The following NR6A1 variants were observed in gnomAD, a reference collection of about 807,000 sequenced individuals.
NR6A1 encodes nuclear receptor subfamily 6 group A member 1, also known as retinoic acid receptor-related testis-associated receptor.
In NR6A1, 7 loss-of-function variants were observed where a neutral mutation model predicts 59.1. The ratio of observed to expected loss-of-function variants is 0.12; its 90% CI spans 0.07 to 0.22. The LOEUF (loss-of-function observed/expected upper bound fraction) is 0.22. Ranked by LOEUF, NR6A1 falls within the 10% of genes least tolerant of loss-of-function variation. The pLI is 1.00. For missense variants in NR6A1, 468 were observed against 611.6 expected, an observed-to-expected ratio of 0.77 and a Z score of 2.48; for synonymous variants, 243 against 236.1, an observed-to-expected ratio of 1.03 and a Z score of -0.27.
At chr9:124,671,465 A>G (rs1333681386) in intron 2 of NR6A1, among the ~76,000 whole-genome samples, 2 of 152,212 alleles carry the variant, frequency 1.3e-5, no homozygotes, top group Non-Finnish European at 2.9e-5. Flanking sequence ...ATGGTACTTA[A>G]TATTTCCTCC....
chr9:124,711,274 C>T (rs1839272982), intron 2 of NR6A1, among the ~76,000 whole-genome samples: 1 of 146,052 alleles, frequency 6.8e-6, no homozygotes, highest in Non-Finnish European at 1.5e-5. Flanking sequence ...ACACTGTTTA[C>T]ACCCTAGTGG....
chr9:124,667,695 T>C (rs1837666539), intron 2 of NR6A1, among the ~76,000 whole-genome samples: 1 of 152,222 alleles, frequency 6.6e-6, no homozygotes, highest in African/African-American at 2.4e-5. Context: ...AGAAAGCATG[T>C]CTTTCCTCTG....
chr9:124,545,904 T>C (rs143387775), intron 3 of NR6A1, among the ~76,000 whole-genome samples: 8 of 152,294 alleles, frequency 5.3e-5, no homozygotes, highest in East Asian at 1.9e-4. Context: ...TCACCTGAGA[T>C]TGGGAGTTCA....
chr9:124,669,745 T>C (rs1837732454), intron 2 of NR6A1, among the ~76,000 whole-genome samples: 1 of 152,240 alleles, frequency 6.6e-6, no homozygotes, highest in African/African-American at 2.4e-5. Context: ...TACAGGTGCA[T>C]ACCACCATGC....
chr9:124,558,527 TAAC>T (rs1833990842), intron 2 of NR6A1, among the ~76,000 whole-genome samples: 1 of 152,040 alleles, frequency 6.6e-6, no homozygotes, highest in African/African-American at 2.4e-5. Flanking sequence ...ATGTGAAAAA[TAAC>T]AACAGAATCA....
At position 124,599,166 on chromosome 9, in the gene NR6A1, G is replaced by C. The variant is rs1181776199; in HGVS notation, c.143-44596C>G. 3 of 574,976 alleles carry C rather than the reference G, an allele frequency of 5.2e-6. No homozygotes were observed. In the African/African-American group the frequency reaches 5.6e-5, roughly 11 times the overall value. 35.6% of individuals were successfully genotyped at this position (574,976 alleles called of 1,614,324 possible). A position where few individuals can be genotyped will look rare whatever the true frequency, so the allele number is the denominator to read the frequency against. On this transcript the variant is annotated intron_variant, in intron 2 of 9. Coordinates refer to ENST00000487099, the MANE Select transcript of NR6A1 (RefSeq NM_033334.4). ...ATTTTAAAAAGTTCCTCTTTGGCCG[G>C]GGGCGGTGGCTCACTCCTGTAATCC...
At chr9:124,646,197 A>C (rs1193275886) in intron 2 of NR6A1, among the ~76,000 whole-genome samples, 4 of 152,170 alleles carry the variant, frequency 2.6e-5, no homozygotes, top group African/African-American at 9.6e-5. Flanking sequence ...GGAAGCTAGA[A>C]AAAGACAAAA....
intron 8 of NR6A1, among the ~76,000 whole-genome samples, chr9:124,525,822 T>C (rs995105043): frequency 3.3e-5 from 5 of 152,194 alleles, no homozygotes; most frequent in Non-Finnish European, 7.3e-5. Context: ...AAGAAGTTGC[T>C]ACTGTTCTCC....
intron 2 of NR6A1, among the ~76,000 whole-genome samples, chr9:124,570,828 A>T (rs1485232408): frequency 6.6e-6 from 1 of 152,220 alleles, no homozygotes; most frequent in Non-Finnish European, 1.5e-5. Context: ...ATTCATAGAT[A>T]GCTTGGATCC....
intron 1 of NR6A1, among the ~76,000 whole-genome samples, chr9:124,745,209 A>T (rs916519934): frequency 1.3e-5 from 2 of 152,132 alleles, no homozygotes; most frequent in Non-Finnish European, 2.9e-5. Flanking sequence ...ACAATGTAAA[A>T]CTGTATTCTT....
chr9:124,769,506 C>T (rs557494667), intron 1 of NR6A1, among the ~76,000 whole-genome samples: 134 of 152,358 alleles, frequency 8.8e-4, no homozygotes, highest in Admixed American at 3.1e-3. Context: ...AGGTTACTTT[C>T]CTCACACCTG....
intron 2 of NR6A1, among the ~76,000 whole-genome samples, chr9:124,698,927 G>A (rs1181246591): frequency 6.6e-6 from 1 of 152,106 alleles, no homozygotes; most frequent in Non-Finnish European, 1.5e-5. Context: ...AAAATCGTAT[G>A]CCCTTTTCTC....
At position 124,737,811 on chromosome 9, in the gene NR6A1, G is replaced by C. The variant is rs147721184; in HGVS notation, c.101-4462C>G. On this transcript the variant is annotated intron_variant, in intron 1 of 9. Coordinates refer to ENST00000487099, the MANE Select transcript of NR6A1 (RefSeq NM_033334.4). The stretch of plus-strand genomic sequence containing the variant: ...AACACAGAGGCAGAGGTTGTAGTGA[G>C]CCGAGATTATGCCACTGCACTCCAG... Among the ~76,000 whole-genome samples the C allele has an allele frequency of 5.5e-3, 837 of 152,232 alleles. 7 individuals are homozygous for C. The highest frequency in any genetic ancestry group is 0.019 in the African/African-American group (795 of 41,524).
At chr9:124,766,994 A>T (rs930392407) in intron 1 of NR6A1, among the ~76,000 whole-genome samples, 1 of 152,248 alleles carries the variant, frequency 6.6e-6, no homozygotes, top group Non-Finnish European at 1.5e-5. Flanking sequence ...GCCAACTTGC[A>T]CAACAAACAC....
intron 2 of NR6A1, among the ~76,000 whole-genome samples, chr9:124,564,614 A>G (rs991315389): frequency 2.0e-5 from 3 of 152,186 alleles, no homozygotes; most frequent in Non-Finnish European, 2.9e-5. Context: ...TATGACGCTC[A>G]TGGATTGGAA....
intron 2 of NR6A1, among the ~76,000 whole-genome samples, chr9:124,601,263 G>A (rs567899351): frequency 5.3e-5 from 8 of 151,656 alleles, no homozygotes; most frequent in Admixed American, 2.6e-4. Context: ...CCGACAGAGC[G>A]AGACTCTGTC....
At chr9:124,534,808 G>C (rs1833206984) in intron 7 of NR6A1, among the ~76,000 whole-genome samples, 2 of 152,170 alleles carry the variant, frequency 1.3e-5, no homozygotes, top group Admixed American at 1.3e-4. Flanking sequence ...AAGGCTGGAG[G>C]CTGCGAGAAA....
At chr9:124,533,081 G>C (rs1483815284) in intron 7 of NR6A1, among the ~76,000 whole-genome samples, 1 of 152,200 alleles carries the variant, frequency 6.6e-6, no homozygotes, top group Non-Finnish European at 1.5e-5. Context: ...AGTGACCCCT[G>C]CCTGCCTGCA....
intron 2 of NR6A1, among the ~76,000 whole-genome samples, chr9:124,628,701 C>T (rs997273127): frequency 1.3e-5 from 2 of 151,418 alleles, no homozygotes; most frequent in African/African-American, 2.4e-5. Context: ...AGTACAATGG[C>T]GTGATCTTGG....
Sources: allele counts gnomAD v4.1 joint callset (sites outside exome capture counted in the v4.1 genomes callset), GRCh38; gene constraint gnomAD v4.1.1; transcripts MANE v1.5; gene names NCBI Gene and HGNC (gene_info 2026-07-23, HGNC 2026-07-21).